CHRM3: variants seen among roughly 807,000 people sequenced by gnomAD.
CHRM3 encodes the protein cholinergic receptor muscarinic 3, also known as muscarinic acetylcholine receptor M3.
CHRM3 carries 11 observed loss-of-function variants against 41.8 expected under a neutral mutation model. That is an observed-to-expected ratio of 0.26 (90% CI 0.17 to 0.44). The LOEUF (loss-of-function observed/expected upper bound fraction) is 0.44, where lower values mean the gene tolerates loss of function less well. Ranked by LOEUF, CHRM3 falls within the 20% of genes least tolerant of loss-of-function variation. The probability of loss-of-function intolerance (pLI) is 1.00; values close to 1 mark genes in which losing one functional copy is unlikely to be tolerated. For missense variants in CHRM3, 571 were observed against 745.4 expected (o/e 0.77, Z 2.72); for synonymous variants, 297 against 301.4 (o/e 0.99, Z 0.15).
At position 239,460,156 on chromosome 1, in the gene CHRM3, C is replaced by T. The variant is rs115628631; in HGVS notation, c.-520-32553C>T. Among the ~76,000 whole-genome samples, 996 of 152,216 alleles carry T rather than the reference C, an allele frequency of 6.5e-3. 18 individuals are homozygous for T. The highest frequency in any genetic ancestry group is 0.023 in the African/African-American group (960 of 41,520). ...GAGGAAATGTGCCTGGAACAGGAGA[C>T]GCGCTGGACATTTATCCATTAGCTT... On this transcript the variant is annotated intron_variant, in intron 1 of 6. Coordinates refer to ENST00000676153, the MANE Select transcript of CHRM3 (RefSeq NM_001375978.1).
chr1:239,589,081 G>A (rs145815085), intron 3 of CHRM3, among the ~76,000 whole-genome samples: 128 of 151,974 alleles, frequency 8.4e-4, no homozygotes, highest in African/African-American at 3.0e-3. Flanking sequence ...TTACAGGCAC[G>A]TGCCGTCATG....
chr1:239,406,055 C>A (rs556663709), intron 1 of CHRM3, among the ~76,000 whole-genome samples: 1 of 152,128 alleles, frequency 6.6e-6, no homozygotes, highest in Non-Finnish European at 1.5e-5. Context: ...CCATGTCTGG[C>A]TAATTTTTGT....
At chr1:239,636,963 G>C (rs1295432717) in intron 4 of CHRM3, among the ~76,000 whole-genome samples, 1 of 152,156 alleles carries the variant, frequency 6.6e-6, no homozygotes, top group Non-Finnish European at 1.5e-5. Context: ...CATTGGATAG[G>C]ATTTTGGAGT....
intron 5 of CHRM3, among the ~76,000 whole-genome samples, chr1:239,695,792 G>T (rs1660129096): frequency 1.3e-5 from 2 of 152,024 alleles, no homozygotes; most frequent in Non-Finnish European, 2.9e-5. Flanking sequence ...AATATTGCTG[G>T]TTTGCTATTC....
chr1:239,840,421 T>C (rs1673698197), intron 6 of CHRM3, among the ~76,000 whole-genome samples: 1 of 152,214 alleles, frequency 6.6e-6, no homozygotes, highest in African/African-American at 2.4e-5. Flanking sequence ...AGAAGCAATC[T>C]TGTTCTGCAA....
chr1:239,485,298 C>CTTA (rs759250337), intron 1 of CHRM3, among the ~76,000 whole-genome samples: 16 of 151,722 alleles, frequency 1.1e-4, no homozygotes, highest in Non-Finnish European at 2.1e-4. Context: ...CTGGCAAAAT[C>CTTA]TTATTATTAT....
intron 4 of CHRM3, among the ~76,000 whole-genome samples, chr1:239,674,405 G>GA (rs1657756152): frequency 6.6e-6 from 1 of 151,962 alleles, no homozygotes; most frequent in Non-Finnish European, 1.5e-5. Context: ...GACCATTAGT[G>GA]TGGCTTAATT....
intron 3 of CHRM3, among the ~76,000 whole-genome samples, chr1:239,557,647 C>A (rs1024861347): frequency 6.6e-6 from 1 of 152,090 alleles, no homozygotes; most frequent in Non-Finnish European, 1.5e-5. Context: ...CTCCACCGTC[C>A]CCCAACAGGA....
At chr1:239,485,122 A>T (rs1188799490) in intron 1 of CHRM3, among the ~76,000 whole-genome samples, 1 of 152,150 alleles carries the variant, frequency 6.6e-6, no homozygotes, top group African/African-American at 2.4e-5. Context: ...CTAAGGAAAA[A>T]TGTAAATTCC....
At chr1:239,816,732 CTTTTTTTT>C (rs11309320) in intron 5 of CHRM3, among the ~76,000 whole-genome samples, 2 of 131,554 alleles carry the variant, frequency 1.5e-5, no homozygotes, top group African/African-American at 5.7e-5. Context: ...GTGCCTCAGT[CTTTTTTTT>C]TTTTTTTTTG....
chr1:239,467,408 T>G (rs1022733369), intron 1 of CHRM3, among the ~76,000 whole-genome samples: 1 of 152,054 alleles, frequency 6.6e-6, no homozygotes, highest in Non-Finnish European at 1.5e-5. Flanking sequence ...TTCAAGCGAT[T>G]CTCCTACCTC....
intron 4 of CHRM3, among the ~76,000 whole-genome samples, chr1:239,637,214 G>T (rs1259982924): frequency 1.3e-5 from 2 of 151,848 alleles, no homozygotes; most frequent in Non-Finnish European, 2.9e-5. Context: ...GTTTGGTTTT[G>T]TAAATTTATT....
At chr1:239,518,815 C>T (rs537200583) in intron 2 of CHRM3, among the ~76,000 whole-genome samples, 5 of 152,338 alleles carry the variant, frequency 3.3e-5, no homozygotes, top group Non-Finnish European at 7.3e-5. Context: ...CCCATCCCTT[C>T]TCCTCCTGAA....
At chr1:239,456,851 C>A (rs1299206542) in intron 1 of CHRM3, among the ~76,000 whole-genome samples, 1 of 152,224 alleles carries the variant, frequency 6.6e-6, no homozygotes, top group Admixed American at 6.5e-5. Flanking sequence ...GAGCTCTGAG[C>A]AGAAACCACT....
chr1:239,434,160 A>G (rs1207103543), intron 1 of CHRM3, among the ~76,000 whole-genome samples: 1 of 152,186 alleles, frequency 6.6e-6, no homozygotes, highest in Non-Finnish European at 1.5e-5. Context: ...CAGTCTCATC[A>G]GATTACTGCC....
chr1:239,405,265 A>T (rs1428426959), intron 1 of CHRM3, among the ~76,000 whole-genome samples: 1 of 152,220 alleles, frequency 6.6e-6, no homozygotes. Flanking sequence ...GGTGACCCAC[A>T]CACAATCTCT....
intron 5 of CHRM3, among the ~76,000 whole-genome samples, chr1:239,722,586 A>G (rs1025831689): frequency 6.6e-6 from 1 of 151,912 alleles, no homozygotes; most frequent in African/African-American, 2.4e-5. Flanking sequence ...ATTACTCATT[A>G]AGCACTCTGA....
At chr1:239,473,269 A>T (rs1237934781) in intron 1 of CHRM3, among the ~76,000 whole-genome samples, 2 of 151,644 alleles carry the variant, frequency 1.3e-5, no homozygotes, top group Non-Finnish European at 2.9e-5. Flanking sequence ...ATTTGAAAAA[A>T]AAAAAAAAAA....
chr1:239,507,553 T>A (rs1170125924), intron 2 of CHRM3, among the ~76,000 whole-genome samples: 1 of 152,224 alleles, frequency 6.6e-6, no homozygotes, highest in East Asian at 1.9e-4. Flanking sequence ...GAAAATGGAC[T>A]AATACAATGA....
Sources: gnomAD v4.1 joint callset for allele counts (sites outside exome capture counted in the v4.1 genomes callset) on GRCh38, gnomAD v4.1.1 for gene constraint, MANE v1.5 for transcripts, NCBI Gene and HGNC (gene_info 2026-07-23, HGNC 2026-07-21) for gene names.